The following CNKSR2 variants were observed in gnomAD, a reference collection of about 807,000 sequenced individuals.
CNKSR2 encodes connector enhancer of kinase suppressor of Ras 2, also known as CNK homolog protein 2.
A neutral mutation model predicts 84.4 loss-of-function variants in CNKSR2; 14 were observed. That is an observed-to-expected ratio of 0.17 (90% CI 0.11 to 0.26). CNKSR2 has a LOEUF of 0.26. Among genes scored for constraint, CNKSR2 ranks in the 10% least tolerant of loss-of-function variants. CNKSR2 has a pLI of 1.00. For missense variants in CNKSR2, 485 were observed against 771.2 expected (o/e 0.63, Z 4.40); for synonymous variants, 275 against 277.9 (o/e 0.99, Z 0.10).
intron 6 of CNKSR2, chrX:21,492,832 C>T (rs746894184): frequency 8.9e-6 from 1 of 111,885 alleles, no homozygotes; most frequent in South Asian, 3.7e-4. Flanking sequence ...AACTCAGTCA[C>T]GTTTAAGTAA....
intron 1 of CNKSR2, among the ~76,000 whole-genome samples, chrX:21,384,005 A>G (rs1377345588): frequency 1.8e-5 from 2 of 112,079 alleles, no homozygotes; most frequent in African/African-American, 3.2e-5. Context: ...ATGTGTATAT[A>G]GGAACTTATT....
At chrX:21,619,217 C>G (rs747058362) in intron 20 of CNKSR2, among the ~76,000 whole-genome samples, 5 of 111,986 alleles carry the variant, frequency 4.5e-5, no homozygotes, top group African/African-American at 1.6e-4. Context: ...AATCAGATGT[C>G]TAAAAATCAA....
intron 12 of CNKSR2, among the ~76,000 whole-genome samples, chrX:21,562,728 T>C (rs1424661164): frequency 9.0e-6 from 1 of 111,456 alleles, no homozygotes; most frequent in Non-Finnish European, 1.9e-5. Flanking sequence ...AAGAGCTGAC[T>C]ACCAATTTAA....
At chrX:21,514,901 G>C (rs777848385) in intron 8 of CNKSR2, among the ~76,000 whole-genome samples, 6 of 110,295 alleles carry the variant, frequency 5.4e-5, no homozygotes, top group African/African-American at 2.0e-4. Flanking sequence ...TTTAACTCTT[G>C]GCTGTAGGGA....
rs147209333 is a variant in CNKSR2 at position 21,606,155 on chromosome X, G to A, written c.2045-624G>A. On this transcript the variant is annotated intron_variant, in intron 18 of 21. Transcript: ENST00000379510. ...AAGTAGTTCTGGAAGTTTGGAACTT[G>A]CAGCCCACATCAGCAGATTTGCCCT... 2.6e-3 allele frequency among the ~76,000 whole-genome samples: 289 copies of A among 111,797 alleles called. 1 individual carries two copies. The highest frequency in any genetic ancestry group is 0.014 in the Middle Eastern group (3 of 219).
At chrX:21,460,641 T>C (rs1050418985) in intron 4 of CNKSR2, among the ~76,000 whole-genome samples, 1 of 111,857 alleles carries the variant, frequency 8.9e-6, no homozygotes, top group Non-Finnish European at 1.9e-5. Flanking sequence ...ATCTTATTAA[T>C]TGTTTCTAAC....
At chrX:21,378,130 C>T (rs1320571501) in intron 1 of CNKSR2, among the ~76,000 whole-genome samples, 1 of 111,549 alleles carries the variant, frequency 9.0e-6, no homozygotes, top group Non-Finnish European at 1.9e-5. Flanking sequence ...ACATGAACTC[C>T]TTATGAGTCA....
rs1422843547 is a variant in CNKSR2, at chrX:21,591,005, G to A, written c.1658-17G>A. On this transcript the variant is annotated splice_polypyrimidine_tract_variant and intron_variant, in intron 14 of 21. Coordinates refer to ENST00000379510, the MANE Select transcript of CNKSR2 (RefSeq NM_014927.5). ...TCATACCTTTGACAAAATTGAAAGA[G>A]CATTTCCACCCTTTAGGTCCTATAG... 3 of 1,178,469 alleles carry A rather than the reference G, an allele frequency of 2.5e-6. No individual in the cohort carries two copies. Among genetic ancestry groups the A allele is most frequent in the South Asian group, 4.0e-5 (2 of 50,631 alleles).
intron 13 of CNKSR2, among the ~76,000 whole-genome samples, chrX:21,578,698 A>T (rs1404582598): frequency 9.0e-6 from 1 of 111,539 alleles, no homozygotes; most frequent in Non-Finnish European, 1.9e-5. Context: ...TGAGCAAATC[A>T]GGAAGCCTTC....
At chrX:21,495,911 T>C (rs73451470) in intron 6 of CNKSR2, among the ~76,000 whole-genome samples, 6,571 of 103,937 alleles carry the variant, frequency 0.063, 545 homozygotes, top group African/African-American at 0.21. Context: ...CATCCTTAGG[T>C]AATTTCATCA....
In CNKSR2 at chrX:21,431,091, A is replaced by T. The variant is rs1254905823; in HGVS notation, c.229-1521A>T. Among the ~76,000 whole-genome samples the T allele has an allele frequency of 6.3e-5, 7 of 111,724 alleles. No individual in the cohort carries two copies. The Admixed American group carries it at 6.7e-4, about 11-fold the overall frequency. The stretch of plus-strand genomic sequence containing the variant: ...TAAATCTGTAGTGGTAACATACATA[A>T]CTTGGTATTTAATGTTTAGGCATCA... On this transcript the variant is annotated intron_variant, in intron 2 of 21. Coordinates refer to ENST00000379510, the MANE Select transcript of CNKSR2 (RefSeq NM_014927.5).
chrX:21,413,227 G>A (rs1369706251), intron 1 of CNKSR2, among the ~76,000 whole-genome samples: 1 of 111,068 alleles, frequency 9.0e-6, no homozygotes, highest in African/African-American at 3.3e-5. Flanking sequence ...GATCCATGCA[G>A]TACCATGTAT....
In CNKSR2 at chrX:21,575,624, C is replaced by G. The variant is rs1041911298; in HGVS notation, c.1608+12172C>G. 1.3e-4 allele frequency among the ~76,000 whole-genome samples: 14 copies of G among 111,469 alleles called. No individual in the cohort carries two copies. In the Admixed American group the frequency reaches 1.3e-3, roughly 11 times the overall value. On this transcript the variant is annotated intron_variant, in intron 13 of 21. Transcript: ENST00000379510. ...AAAATAAGGCAGACAGGCTAGAGAC[C>G]TCCAGACCCAAGGAAGTGCTGTGAG...
chrX:21,573,341 G>A (rs1350801396), intron 13 of CNKSR2, among the ~76,000 whole-genome samples: 1 of 112,067 alleles, frequency 8.9e-6, no homozygotes, highest in African/African-American at 3.2e-5. Flanking sequence ...TCTGGGGTCT[G>A]TAGGATGGTG....
chrX:21,483,324 C>A (rs1411338314), intron 5 of CNKSR2, among the ~76,000 whole-genome samples: 3 of 110,480 alleles, frequency 2.7e-5, no homozygotes, highest in Non-Finnish European at 5.7e-5. Context: ...GGACAAAAAA[C>A]CAAACACTGC....
chrX:21,411,308 G>A (rs1047969278), intron 1 of CNKSR2, among the ~76,000 whole-genome samples: 2 of 111,423 alleles, frequency 1.8e-5, no homozygotes, highest in African/African-American at 6.5e-5. Context: ...TAAGAGGAGA[G>A]TAAGAGGAAT....
At chrX:21,627,665 C>A (rs1327188750) in intron 20 of CNKSR2, among the ~76,000 whole-genome samples, 1 of 111,705 alleles carries the variant, frequency 9.0e-6, no homozygotes, top group Non-Finnish European at 1.9e-5. Context: ...GGGAAACTCC[C>A]ATTTTTAAAA....
intron 13 of CNKSR2, among the ~76,000 whole-genome samples, chrX:21,579,288 A>G (rs746693902): frequency 8.9e-6 from 1 of 112,070 alleles, no homozygotes; most frequent in Admixed American, 9.4e-5. Flanking sequence ...GCAATAGGAA[A>G]CTACCAAACT....
At chrX:21,488,602 A>G (rs1295334994) in intron 5 of CNKSR2, among the ~76,000 whole-genome samples, 2 of 111,695 alleles carry the variant, frequency 1.8e-5, no homozygotes, top group Non-Finnish European at 3.8e-5. Context: ...TAGCACAATT[A>G]GCGAAATTTA....
Sources: gnomAD v4.1 joint callset for allele counts (sites outside exome capture counted in the v4.1 genomes callset) on GRCh38, gnomAD v4.1.1 for gene constraint, MANE v1.5 for transcripts, NCBI Gene and HGNC (gene_info 2026-07-23, HGNC 2026-07-21) for gene names.